Variants in RAB3C observed in about 807,000 individuals in gnomAD.
RAB3C encodes RAB3C, member RAS oncogene family, also known as ras-related protein Rab-3C.
In RAB3C, 17 loss-of-function variants were observed where a neutral mutation model predicts 26.4. The observed-to-expected ratio is 0.64, with a 90% CI of 0.44 to 0.97. The LOEUF (loss-of-function observed/expected upper bound fraction) is 0.97. RAB3C is among the 50% of genes least tolerant of loss of function. The pLI is 0.00. For missense variants in RAB3C, 242 were observed against 281.9 expected (o/e 0.86, Z 1.01); for synonymous variants, 91 against 95.9 (o/e 0.95, Z 0.30).
rs372837465 is a variant in RAB3C, at chr5:58,649,676, C to T, written c.252+31806C>T. The stretch of plus-strand genomic sequence containing the variant: ...TCTTACTGTCACGCTTCACCAAGCC[C>T]GACAAGCTCTTGTCTCTCCCTGCTT... On this transcript the variant is annotated intron_variant, in intron 2 of 4. Transcript: ENST00000282878. Among the ~76,000 whole-genome samples the T allele has an allele frequency of 2.0e-5, 3 of 152,126 alleles. No individual in the cohort carries two copies. The East Asian group carries it at 5.8e-4, about 30-fold the overall frequency.
chr5:58,797,583 T>A (rs1365445375), intron 3 of RAB3C, among the ~76,000 whole-genome samples: 1 of 151,184 alleles, frequency 6.6e-6, no homozygotes, highest in African/African-American at 2.4e-5. Flanking sequence ...TAGAGAAGAG[T>A]CAGATTGGTG....
rs952020796 is a variant in RAB3C, at chr5:58,851,556, A to C, written c.*205A>C. On this transcript the variant is annotated 3_prime_UTR_variant, in exon 5 of 5. Coordinates refer to ENST00000282878, the MANE Select transcript of RAB3C (RefSeq NM_138453.4). ...GATCTTAAATTTATAAGGACTATCC[A>C]TCTATAAACATCTGGTACCTGCATG... 2.3e-6 allele frequency: 1 copy of C among 432,012 alleles called. No homozygotes were observed. Among genetic ancestry groups the C allele is most frequent in the Non-Finnish European group, 4.1e-6 (1 of 246,878 alleles). 26.8% of individuals were successfully genotyped at this position (432,012 alleles called of 1,614,324 possible).
chr5:58,730,681 CTG>C (rs1234959577), intron 3 of RAB3C, among the ~76,000 whole-genome samples: 1 of 152,102 alleles, frequency 6.6e-6, no homozygotes, highest in Non-Finnish European at 1.5e-5. Flanking sequence ...AGCTTGCTGA[CTG>C]TGATTTCTCC....
chr5:58,734,440 C>G (rs1445124732), intron 3 of RAB3C, among the ~76,000 whole-genome samples: 5 of 152,032 alleles, frequency 3.3e-5, no homozygotes, highest in Admixed American at 6.6e-5. Flanking sequence ...AATTCTGCCC[C>G]CAGACTCTCA....
intron 4 of RAB3C, among the ~76,000 whole-genome samples, chr5:58,825,378 A>G (rs917098565): frequency 6.6e-6 from 1 of 152,146 alleles, no homozygotes; most frequent in African/African-American, 2.4e-5. Flanking sequence ...CAAAAATGAT[A>G]CTCAGAATTT....
At chr5:58,775,450 CT>C (rs1742109525) in intron 3 of RAB3C, among the ~76,000 whole-genome samples, 1 of 152,018 alleles carries the variant, frequency 6.6e-6, no homozygotes, top group Non-Finnish European at 1.5e-5. Flanking sequence ...TTGAATTTCC[CT>C]TTCTAATTTC....
intron 2 of RAB3C, among the ~76,000 whole-genome samples, chr5:58,712,617 C>T (rs933870809): frequency 3.2e-4 from 48 of 152,090 alleles, no homozygotes; most frequent in African/African-American, 1.1e-3. Flanking sequence ...CTCTGCCTCC[C>T]GGGTTCAAGC....
At chr5:58,736,833 C>A (rs1414164276) in intron 3 of RAB3C, among the ~76,000 whole-genome samples, 4 of 152,200 alleles carry the variant, frequency 2.6e-5, no homozygotes, top group Non-Finnish European at 5.9e-5. Flanking sequence ...ACTGCTGCCA[C>A]CTGGTTATGC....
intron 3 of RAB3C, among the ~76,000 whole-genome samples, chr5:58,745,362 C>G (rs1741376962): frequency 1.4e-5 from 2 of 139,618 alleles, no homozygotes; most frequent in Admixed American, 7.5e-5. Flanking sequence ...CACCACTGCA[C>G]TCCAGCCTGG....
chr5:58,616,768 A>G (rs1316253826), intron 1 of RAB3C, among the ~76,000 whole-genome samples: 7 of 152,154 alleles, frequency 4.6e-5, no homozygotes, highest in Non-Finnish European at 1.0e-4. Flanking sequence ...TAAAGAGTGG[A>G]GCCAAGTTTT....
chr5:58,732,509 C>G (rs1330323043), intron 3 of RAB3C, among the ~76,000 whole-genome samples: 2 of 151,860 alleles, frequency 1.3e-5, no homozygotes, highest in Admixed American at 6.6e-5. Flanking sequence ...TCATTTTTTT[C>G]TTTCTTAAAG....
intron 4 of RAB3C, among the ~76,000 whole-genome samples, chr5:58,848,781 T>A (rs746996145): frequency 6.6e-6 from 1 of 152,156 alleles, no homozygotes; most frequent in Non-Finnish European, 1.5e-5. Context: ...ATAAGGAAAT[T>A]AAGGATTTTT....
chr5:58,825,480 A>G (rs1743455022), intron 4 of RAB3C, among the ~76,000 whole-genome samples: 1 of 152,000 alleles, frequency 6.6e-6, no homozygotes, highest in Non-Finnish European at 1.5e-5. Flanking sequence ...CCCATACTCT[A>G]TTTTGCATTC....
chr5:58,851,216 A>G lies in RAB3C; in HGVS notation c.549A>G (p.Thr183=). 1 of 1,613,436 alleles carries G rather than the reference A, an allele frequency of 6.2e-7. No individual in the cohort carries two copies. Residue 183 remains threonine, a synonymous_variant, in exon 5 of 5, where the codon ACA becomes ACG. Coordinates refer to ENST00000282878, the MANE Select transcript of RAB3C (RefSeq NM_138453.4). ...AGGACAACATTAATGTCAAGCAGAC[A>G]TTTGAGCGCCTTGTGGATATCATCT... is the stretch of plus-strand genomic sequence containing the variant. ...SAKDNINVKQ[T]FERLVDIICD...
At chr5:58,649,946 AC>A (rs764795337) in intron 2 of RAB3C, among the ~76,000 whole-genome samples, 2 of 152,224 alleles carry the variant, frequency 1.3e-5, no homozygotes, top group Non-Finnish European at 2.9e-5. Context: ...TTCAGGCACT[AC>A]AGCAGCATCA....
chr5:58,741,147 G>T (rs1274809039), intron 3 of RAB3C, among the ~76,000 whole-genome samples: 2 of 152,200 alleles, frequency 1.3e-5, no homozygotes, highest in Non-Finnish European at 2.9e-5. Context: ...GCAAGATCTG[G>T]CAGTGTTCCA....
At chr5:58,686,809 A>G (rs1174442526) in intron 2 of RAB3C, among the ~76,000 whole-genome samples, 1 of 152,114 alleles carries the variant, frequency 6.6e-6, no homozygotes, top group Non-Finnish European at 1.5e-5. Context: ...ATAAATTTAT[A>G]GGTAACAGGG....
intron 1 of RAB3C, among the ~76,000 whole-genome samples, chr5:58,586,913 A>G (rs532894784): frequency 3.3e-5 from 5 of 152,188 alleles, no homozygotes; most frequent in Non-Finnish European, 7.4e-5. Context: ...TGGAAAGTAC[A>G]TGGCATTTTT....
chr5:58,583,256 C>T (rs1404849918), intron 1 of RAB3C, 24 bp downstream of exon 1: 5 of 1,614,038 alleles, frequency 3.1e-6, no homozygotes, highest in Middle Eastern at 1.6e-4. Context: ...GAAAGAGTGG[C>T]CTCGGGAGGA....
Sources: gnomAD v4.1 joint callset for allele counts (sites outside exome capture counted in the v4.1 genomes callset) on GRCh38, gnomAD v4.1.1 for gene constraint, MANE v1.5 for transcripts, NCBI Gene and HGNC (gene_info 2026-07-23, HGNC 2026-07-21) for gene names.